Variants in INPP5A observed in about 807,000 individuals in gnomAD.
INPP5A encodes the protein inositol polyphosphate-5-phosphatase A.
In INPP5A, 14 loss-of-function variants were observed where a neutral mutation model predicts 65.2. The observed-to-expected ratio is 0.21, with a 90% CI of 0.14 to 0.34. The LOEUF is 0.34. Ranked by LOEUF, INPP5A falls within the 10% of genes least tolerant of loss-of-function variation. INPP5A has a pLI of 1.00. For synonymous variants in INPP5A, 207 were observed against 208.3 expected (o/e 0.99, Z 0.05); for missense variants, 431 against 545.6 (o/e 0.79, Z 2.09).
rs2072462863 is a variant in INPP5A at position 132,644,191 on chromosome 10, G to C, written c.118-1677G>C. ...TGCCTGGGCCTGAAGGCAGTGGGCT[G>C]TCTGGCCTCCTGAGTGCCCGGGGAG... On this transcript the variant is annotated intron_variant, in intron 2 of 15. Transcript: ENST00000368594. The surrounding 1 kb of genome is among the most constrained non-coding windows in gnomAD (Gnocchi z 6.5). Among the ~76,000 whole-genome samples, 1 of 152,348 alleles carries C rather than the reference G, an allele frequency of 6.6e-6. No homozygotes were observed. The highest frequency in any genetic ancestry group is 2.4e-5 in the African/African-American group (1 of 41,584).
chr10:132,607,479 C>T (rs1017075265), intron 1 of INPP5A, among the ~76,000 whole-genome samples: 2 of 152,254 alleles, frequency 1.3e-5, no homozygotes, highest in African/African-American at 4.8e-5. Context: ...CTCCACAAAG[C>T]TCAGCTTTGT....
intron 1 of INPP5A, among the ~76,000 whole-genome samples, chr10:132,570,727 C>T (rs978685802): frequency 6.6e-5 from 10 of 152,110 alleles, no homozygotes; most frequent in African/African-American, 2.2e-4. Context: ...CCAACTGAGC[C>T]ATTTGGAAGT....
At chr10:132,701,250 C>T (rs562232409) in intron 6 of INPP5A, among the ~76,000 whole-genome samples, 13 of 152,250 alleles carry the variant, frequency 8.5e-5, no homozygotes, top group Non-Finnish European at 1.5e-4. Context: ...AAGGATGTAC[C>T]CCCACCCCCA....
At chr10:132,715,269 A>G (rs1268057440) in intron 8 of INPP5A, among the ~76,000 whole-genome samples, 1 of 152,240 alleles carries the variant, frequency 6.6e-6, no homozygotes, top group East Asian at 1.9e-4. Flanking sequence ...GGCCTGGGCT[A>G]GTTCAACAGA....
At chr10:132,691,347 C>T (rs1004404420) in intron 5 of INPP5A, among the ~76,000 whole-genome samples, 2 of 152,190 alleles carry the variant, frequency 1.3e-5, no homozygotes, top group Non-Finnish European at 2.9e-5. Context: ...CAGGATCAGC[C>T]GCACAGAATT....
chr10:132,571,312 C>T (rs1263660325), intron 1 of INPP5A, among the ~76,000 whole-genome samples: 1 of 152,264 alleles, frequency 6.6e-6, no homozygotes, highest in Non-Finnish European at 1.5e-5. Context: ...AGGACACACC[C>T]ATCCCTCATC....
intron 1 of INPP5A, among the ~76,000 whole-genome samples, chr10:132,542,070 G>A (rs1005851026): frequency 6.6e-6 from 1 of 152,380 alleles, no homozygotes; most frequent in South Asian, 2.1e-4. Context: ...GAAGGGAATT[G>A]AGGAGGTGAA....
chr10:132,579,897 C>T (rs1200685266), intron 1 of INPP5A, among the ~76,000 whole-genome samples: 1 of 151,342 alleles, frequency 6.6e-6, no homozygotes, highest in Non-Finnish European at 1.5e-5. Context: ...AGCTCAGCCA[C>T]CATGCCTTGC....
chr10:132,600,744 A>G (rs999329907), intron 1 of INPP5A, among the ~76,000 whole-genome samples: 1 of 152,258 alleles, frequency 6.6e-6, no homozygotes, highest in Non-Finnish European at 1.5e-5. Context: ...CCCCAGAATC[A>G]TGACAGGAGA....
chr10:132,597,313 G>A (rs2071716097), intron 1 of INPP5A, among the ~76,000 whole-genome samples: 1 of 152,230 alleles, frequency 6.6e-6, no homozygotes, highest in Non-Finnish European at 1.5e-5. Context: ...CTCAGAAGAT[G>A]TGTCAGGGTG....
At chr10:132,584,549 G>A (rs976060284) in intron 1 of INPP5A, among the ~76,000 whole-genome samples, 2 of 152,200 alleles carry the variant, frequency 1.3e-5, no homozygotes, top group South Asian at 4.2e-4. Flanking sequence ...TTATCAATTT[G>A]TTGATACAAT....
chr10:132,543,725 T>C (rs1010594245), intron 1 of INPP5A, among the ~76,000 whole-genome samples: 1 of 152,264 alleles, frequency 6.6e-6, no homozygotes, highest in Admixed American at 6.5e-5. Context: ...GTCTCTTTAT[T>C]CCTGTTTATG....
intron 5 of INPP5A, among the ~76,000 whole-genome samples, chr10:132,696,542 C>T (rs1845346877): frequency 6.6e-6 from 1 of 152,160 alleles, no homozygotes; most frequent in South Asian, 2.1e-4. Flanking sequence ...GGCTGACACA[C>T]CTGCTACCAA....
At chr10:132,575,000 A>G (rs1456079615) in intron 1 of INPP5A, among the ~76,000 whole-genome samples, 1 of 152,138 alleles carries the variant, frequency 6.6e-6, no homozygotes, top group South Asian at 2.1e-4. Context: ...ACCTGACGAT[A>G]GAAACGCAAA....
chr10:132,627,459 C>T lies in INPP5A; in HGVS notation c.118-18409C>T, dbSNP rs1191018468. ...GGTGCTGGGCGCGGCTCCCAAGATG[C>T]GTGCAGCTGTCCGCGGTGGCTGCCT... On this transcript the variant is annotated intron_variant, in intron 2 of 15. Transcript: ENST00000368594. The surrounding 1 kb of genome is among the most constrained non-coding windows in gnomAD (Gnocchi z 6.6). 6.6e-6 allele frequency among the ~76,000 whole-genome samples: 1 copy of T among 152,160 alleles called. No homozygotes were observed. The highest frequency in any genetic ancestry group is 1.5e-5 in the Non-Finnish European group (1 of 68,034).
intron 9 of INPP5A, among the ~76,000 whole-genome samples, chr10:132,747,387 C>T (rs1846389461): frequency 6.6e-6 from 1 of 152,276 alleles, no homozygotes. Flanking sequence ...CAATGGCCTG[C>T]CCTGGAGTGT....
intron 4 of INPP5A, among the ~76,000 whole-genome samples, chr10:132,672,341 A>G (rs983005331): frequency 6.6e-6 from 1 of 152,158 alleles, no homozygotes; most frequent in Non-Finnish European, 1.5e-5. Context: ...ATGGAATAAT[A>G]TGGTTTGGCT....
intron 2 of INPP5A, among the ~76,000 whole-genome samples, chr10:132,615,178 C>G (rs1442565613): frequency 6.6e-6 from 1 of 152,244 alleles, no homozygotes; most frequent in African/African-American, 2.4e-5. Flanking sequence ...TGGCCCGATC[C>G]ACGTCTCGAG....
chr10:132,710,467 G>A lies in INPP5A; in HGVS notation c.647+11G>A, dbSNP rs1564976087. On this transcript the variant is annotated intron_variant, in intron 8 of 15. Transcript: ENST00000368594. ...CTACGTGCTGGACAGGTAGGTGTGG[G>A]CGGGCAGGTAGGCGTGGGCCGGGCA... 1 of 1,612,034 alleles carries A rather than the reference G, an allele frequency of 6.2e-7. No individual in the cohort carries two copies. Among genetic ancestry groups the A allele is most frequent in the Admixed American group, 1.7e-5 (1 of 59,922 alleles).
Sources: allele counts gnomAD v4.1 joint callset (sites outside exome capture counted in the v4.1 genomes callset), GRCh38; gene constraint gnomAD v4.1.1; non-coding constraint Gnocchi (gnomAD v3.1); transcripts MANE v1.5; gene names NCBI Gene and HGNC (gene_info 2026-07-23, HGNC 2026-07-21).